Variants in RAP1GAP2 observed in about 807,000 individuals in gnomAD.
RAP1GAP2 encodes the protein RAP1 GTPase activating protein 2.
Under a neutral mutation model 95.0 loss-of-function variants are expected in RAP1GAP2, and 27 were observed. That is an observed-to-expected ratio of 0.28 (90% CI 0.21 to 0.39). The LOEUF (loss-of-function observed/expected upper bound fraction) is 0.39, where lower values mean the gene tolerates loss of function less well. Among genes scored for constraint, RAP1GAP2 ranks in the 10% least tolerant of loss-of-function variants. RAP1GAP2 has a pLI of 1.00. For missense variants in RAP1GAP2, 771 were observed against 970.0 expected (o/e 0.79, Z 2.72); for synonymous variants, 373 against 380.9 (o/e 0.98, Z 0.24).
chr17:2,890,233 C>T (rs187913888), intron 2 of RAP1GAP2, among the ~76,000 whole-genome samples: 1 of 152,246 alleles, frequency 6.6e-6, no homozygotes, highest in Non-Finnish European at 1.5e-5. Context: ...TGCTGGAAAA[C>T]AGCTTCATGC....
intron 2 of RAP1GAP2, 97 bp from the exon 3 acceptor site, chr17:2,905,187 T>G: frequency 6.2e-6 from 7 of 1,137,328 alleles, no homozygotes; most frequent in Non-Finnish European, 7.6e-6. Context: ...CCAGCCTGCA[T>G]TGTATGTTAA....
chr17:2,921,741 C>CA (rs2042786130), intron 3 of RAP1GAP2, among the ~76,000 whole-genome samples: 1 of 151,840 alleles, frequency 6.6e-6, no homozygotes, highest in Admixed American at 6.6e-5. Flanking sequence ...GTCAGCAGGA[C>CA]CGTTAAGGTG....
rs1434175728 is a variant in RAP1GAP2 at position 2,866,660 on chromosome 17, T to C, written c.81-38624T>C. Among the ~76,000 whole-genome samples the C allele has an allele frequency of 2.0e-5, 3 of 152,012 alleles. No homozygotes were observed. Among genetic ancestry groups the C allele is most frequent in the Non-Finnish European group, 2.9e-5 (2 of 68,008 alleles). On this transcript the variant is annotated intron_variant, in intron 2 of 24. Transcript: ENST00000254695. This position sits in a 1 kb window ranked among gnomAD's most constrained non-coding sequence, Gnocchi z 4.0. Reference sequence around the variant, plus strand: ...CTGTCGCCAGGCTGGAGTGCAGTGGTGCGATCTCGGCTCACTGCAGCCTCC... The same window carrying C: ...CTGTCGCCAGGCTGGAGTGCAGTGGCGCGATCTCGGCTCACTGCAGCCTCC...
intron 2 of RAP1GAP2, among the ~76,000 whole-genome samples, chr17:2,830,361 C>A (rs1304584867): frequency 6.6e-6 from 1 of 151,890 alleles, no homozygotes; most frequent in Non-Finnish European, 1.5e-5. Context: ...TTGCAGTGAG[C>A]CGAGGAGATC....
At chr17:2,978,218 A>T (rs769293343) in intron 8 of RAP1GAP2, among the ~76,000 whole-genome samples, 4 of 152,182 alleles carry the variant, frequency 2.6e-5, no homozygotes, top group Admixed American at 1.3e-4. Context: ...CCTTATTAAG[A>T]ACTTTCACCT....
chr17:2,799,598 C>T (rs1024989419), intron 1 of RAP1GAP2, among the ~76,000 whole-genome samples: 1 of 152,136 alleles, frequency 6.6e-6, no homozygotes, highest in African/African-American at 2.4e-5. Context: ...GTGAAGCTGA[C>T]AGTGATGGTG....
intron 2 of RAP1GAP2, among the ~76,000 whole-genome samples, chr17:2,802,623 A>ATT (rs1362091699): frequency 2.0e-5 from 3 of 152,110 alleles, no homozygotes; most frequent in African/African-American, 7.2e-5. Flanking sequence ...AGGCAGGAGA[A>ATT]TTGCTTGAAC....
chr17:2,943,741 A>G (rs530714743), intron 3 of RAP1GAP2, among the ~76,000 whole-genome samples: 3 of 152,296 alleles, frequency 2.0e-5, no homozygotes, highest in East Asian at 1.9e-4. Context: ...ACACTTCTCC[A>G]AAGAAGACAT....
intron 2 of RAP1GAP2, among the ~76,000 whole-genome samples, chr17:2,894,006 G>A (rs893046418): frequency 6.6e-6 from 1 of 152,206 alleles, no homozygotes; most frequent in African/African-American, 2.4e-5. Context: ...AGCCGGCCAG[G>A]CGCTCATGTC....
At chr17:3,001,589 C>T (rs958979078) in intron 14 of RAP1GAP2, among the ~76,000 whole-genome samples, 6 of 144,848 alleles carry the variant, frequency 4.1e-5, no homozygotes, top group Admixed American at 3.4e-4. Flanking sequence ...GTGGAGGTAA[C>T]AAGATCAGCC....
intron 3 of RAP1GAP2, among the ~76,000 whole-genome samples, chr17:2,956,274 G>A (rs532519044): frequency 3.3e-5 from 5 of 152,222 alleles, no homozygotes; most frequent in African/African-American, 9.6e-5. Context: ...ACATTCACAC[G>A]TGGGGTTTCT....
At chr17:2,956,179 G>C (rs1441055428) in intron 3 of RAP1GAP2, among the ~76,000 whole-genome samples, 1 of 152,254 alleles carries the variant, frequency 6.6e-6, no homozygotes, top group East Asian at 1.9e-4. Flanking sequence ...TGAGCAAGTT[G>C]GAAGAGGAGG....
intron 1 of RAP1GAP2, among the ~76,000 whole-genome samples, chr17:2,767,191 G>A (rs1271835328): frequency 2.6e-5 from 4 of 151,438 alleles, no homozygotes; most frequent in South Asian, 2.1e-4. Flanking sequence ...GTGAAACCCC[G>A]TTTCCACTAA....
At chr17:2,892,144 T>C (rs2073747521) in intron 2 of RAP1GAP2, among the ~76,000 whole-genome samples, 4 of 152,110 alleles carry the variant, frequency 2.6e-5, no homozygotes. Context: ...TTTCTCTGTA[T>C]ATGGTATGTA....
chr17:2,826,498 G>T (rs1021795355), intron 2 of RAP1GAP2, among the ~76,000 whole-genome samples: 3 of 152,060 alleles, frequency 2.0e-5, no homozygotes, highest in Non-Finnish European at 4.4e-5. Context: ...TGCCCTGGAA[G>T]AGCGGGATGG....
chr17:2,893,665 C>A (rs955756039), intron 2 of RAP1GAP2, among the ~76,000 whole-genome samples: 1 of 152,244 alleles, frequency 6.6e-6, no homozygotes, highest in Admixed American at 6.5e-5. Context: ...CTGCCGGAGG[C>A]CGTGACCTTG....
At chr17:3,007,422 AC>A (rs2046374470) in intron 16 of RAP1GAP2, among the ~76,000 whole-genome samples, 1 of 152,166 alleles carries the variant, frequency 6.6e-6, no homozygotes, top group Non-Finnish European at 1.5e-5. Flanking sequence ...AAAGGCTTAT[AC>A]TGTATGGAAG....
At chr17:2,920,200 G>C (rs2042712571) in intron 3 of RAP1GAP2, among the ~76,000 whole-genome samples, 1 of 152,084 alleles carries the variant, frequency 6.6e-6, no homozygotes, top group Admixed American at 6.5e-5. Flanking sequence ...TTAATTCGTA[G>C]AAGCAGGGTC....
At position 3,029,413 on chromosome 17, in the gene RAP1GAP2, A is replaced by T. The variant is rs1015982977; in HGVS notation, c.2108-1509A>T. 6.6e-6 allele frequency among the ~76,000 whole-genome samples: 1 copy of T among 152,176 alleles called. No individual in the cohort carries two copies. Among genetic ancestry groups the T allele is most frequent in the African/African-American group, 2.4e-5 (1 of 41,512 alleles). On this transcript the variant is annotated intron_variant, in intron 22 of 24. Coordinates refer to ENST00000254695, the MANE Select transcript of RAP1GAP2 (RefSeq NM_015085.5). The surrounding 1 kb of genome is among the most constrained non-coding windows in gnomAD (Gnocchi z 4.4). ...GCTTTTCACCCCCAGCCCACGAAAGATGTGCTTGGTACCCACTGGATCAGG... is the reference window on the plus strand; with the variant it reads ...GCTTTTCACCCCCAGCCCACGAAAGTTGTGCTTGGTACCCACTGGATCAGG...
Sources: allele counts gnomAD v4.1 joint callset (sites outside exome capture counted in the v4.1 genomes callset), GRCh38; gene constraint gnomAD v4.1.1; non-coding constraint Gnocchi (gnomAD v3.1); transcripts MANE v1.5; gene names NCBI Gene and HGNC (gene_info 2026-07-23, HGNC 2026-07-21).